The following WARS2 variants were observed in gnomAD, a reference collection of about 807,000 sequenced individuals.
WARS2 encodes tryptophanyl tRNA synthetase 2, mitochondrial, also known as tryptophan--tRNA ligase, mitochondrial.
WARS2 carries 28 observed loss-of-function variants against 36.5 expected under a neutral mutation model. The ratio of observed to expected loss-of-function variants is 0.77; its 90% confidence interval spans 0.57 to 1.05. The LOEUF (loss-of-function observed/expected upper bound fraction) is 1.05. WARS2 is among the 50% of genes least tolerant of loss of function. The probability of loss-of-function intolerance (pLI) is 0.00; values close to 1 mark genes in which losing one functional copy is unlikely to be tolerated. For missense variants in WARS2, 435 were observed against 456.8 expected, an observed-to-expected ratio of 0.95 and a Z score of 0.44; for synonymous variants, 174 against 178.4, an observed-to-expected ratio of 0.98 and a Z score of 0.20.
At position 119,042,008 on chromosome 1, in the gene WARS2, T is replaced by C. The variant is rs561238307; in HGVS notation, c.515+256A>G. Among the ~76,000 whole-genome samples the C allele has an allele frequency of 3.9e-5, 6 of 152,346 alleles. No homozygotes were observed. The South Asian group carries it at 6.2e-4, about 16-fold the overall frequency. ...AGTACTTACAATGGTTTCCAACACA[T>C]TGTAAGTGCTATTTAAATGTCAGCT... On this transcript the variant is annotated intron_variant, in intron 4 of 5. Coordinates refer to ENST00000235521, the MANE Select transcript of WARS2 (RefSeq NM_015836.4).
chr1:119,087,072 AAT>A (rs1228798756), intron 1 of WARS2, among the ~76,000 whole-genome samples: 1 of 152,024 alleles, frequency 6.6e-6, no homozygotes, highest in Non-Finnish European at 1.5e-5. Flanking sequence ...ACACACCACC[AAT>A]GTCTCTTTTT....
intron 1 of WARS2, among the ~76,000 whole-genome samples, chr1:119,129,286 T>C (rs1655917982): frequency 6.6e-6 from 1 of 152,210 alleles, no homozygotes; most frequent in South Asian, 2.1e-4. Flanking sequence ...CACCTTGATC[T>C]TGGACTTCCC....
At chr1:119,051,762 A>ATTTTTTT (rs527937756) in intron 2 of WARS2, among the ~76,000 whole-genome samples, 3 of 114,314 alleles carry the variant, frequency 2.6e-5, no homozygotes, top group Admixed American at 9.5e-5. Context: ...TCTCGCTGTA[A>ATTTTTTT]TTTTTTTTTT....
intron 4 of WARS2, among the ~76,000 whole-genome samples, chr1:119,039,664 G>A (rs912512810): frequency 2.0e-5 from 3 of 151,842 alleles, no homozygotes; most frequent in African/African-American, 7.3e-5. Context: ...TCCATTCCAG[G>A]GTTCCTTACC....
intron 1 of WARS2, among the ~76,000 whole-genome samples, chr1:119,129,028 T>A (rs929484702): frequency 2.6e-5 from 4 of 152,182 alleles, no homozygotes; most frequent in African/African-American, 9.6e-5. Flanking sequence ...ACACTGAAAT[T>A]TCAAAGACAC....
chr1:119,045,696 G>A, intron 2 of WARS2, 34 bp from the exon 3 acceptor site: 3 of 1,530,080 alleles, frequency 2.0e-6, no homozygotes, highest in South Asian at 1.2e-5. Context: ...AGTAAAGGTG[G>A]CCAGTGTTTT....
intron 1 of WARS2, chr1:119,085,692 C>G (rs1273399781): frequency 1.4e-6 from 2 of 1,468,382 alleles, no homozygotes; most frequent in Non-Finnish European, 1.9e-6. Context: ...AATTGTGCTC[C>G]TCTGGTCTTC....
rs1222123137 is a variant in WARS2 at position 119,100,011 on chromosome 1, A to C, written c.91-23404T>G. On this transcript the variant is annotated intron_variant, in intron 1 of 5. Coordinates refer to ENST00000235521, the MANE Select transcript of WARS2 (RefSeq NM_015836.4). ...AAGAAATAATCAACAGAGTGAATAG[A>C]CACCTGTTGAATGGGAGAAGATAGT... Among the ~76,000 whole-genome samples, 10 of 152,236 alleles carry C rather than the reference A, an allele frequency of 6.6e-5. No individual in the cohort carries two copies. In the East Asian group the frequency reaches 1.9e-3, roughly 29 times the overall value.
chr1:119,068,065 TTA>T (rs1437494884), intron 2 of WARS2, among the ~76,000 whole-genome samples: 1 of 152,216 alleles, frequency 6.6e-6, no homozygotes, highest in Admixed American at 6.5e-5. Flanking sequence ...ATTTAGATTC[TTA>T]TCTCCTCCTA....
chr1:119,103,892 T>C (rs914173271), intron 1 of WARS2, among the ~76,000 whole-genome samples: 1 of 151,196 alleles, frequency 6.6e-6, no homozygotes, highest in Non-Finnish European at 1.5e-5. Flanking sequence ...AAAGAAAAAA[T>C]AGATTTCTTT....
chr1:119,097,483 A>G (rs1244946170), intron 1 of WARS2, among the ~76,000 whole-genome samples: 2 of 152,084 alleles, frequency 1.3e-5, no homozygotes, highest in African/African-American at 2.4e-5. Flanking sequence ...TGCACTTGCA[A>G]TTCTCTCTGC....
intron 1 of WARS2, chr1:119,126,463 C>A: frequency 2.4e-6 from 1 of 422,674 alleles, no homozygotes; most frequent in East Asian, 5.1e-5. Flanking sequence ...CATGGTAACA[C>A]TCTGAGGTAG....
chr1:119,092,931 C>G (rs924940095), intron 1 of WARS2, among the ~76,000 whole-genome samples: 2 of 152,208 alleles, frequency 1.3e-5, no homozygotes, highest in Non-Finnish European at 2.9e-5. Flanking sequence ...CCACAATCAT[C>G]TCACCTGTGC....
rs60486007 is a variant in WARS2, at chr1:119,042,231, T to A, written c.515+33A>T. On this transcript the variant is annotated intron_variant, in intron 4 of 5. Transcript: ENST00000235521. The stretch of plus-strand genomic sequence containing the variant: ...TAAAACACTCTCTTGTCACCATGAG[T>A]ATGTATAAGACTGGGCTGAACTCTC... 678 of 1,593,770 alleles carry A rather than the reference T, an allele frequency of 4.3e-4. 4 individuals carry two copies. The African/African-American group carries it at 8.5e-3, about 20-fold the overall frequency.
chr1:119,134,655 T>C (rs1656363979), intron 1 of WARS2, among the ~76,000 whole-genome samples: 2 of 152,192 alleles, frequency 1.3e-5, no homozygotes, highest in Admixed American at 6.5e-5. Flanking sequence ...GAAAACTAAA[T>C]GCCTGAGCAG....
At chr1:119,104,402 CA>C in intron 1 of WARS2, among the ~76,000 whole-genome samples, 1 of 150,890 alleles carries the variant, frequency 6.6e-6, no homozygotes, top group Non-Finnish European at 1.5e-5. Context: ...ATAGAAAAGT[CA>C]AACAGCAACA....
At chr1:119,068,825 A>T (rs868150725) in intron 2 of WARS2, among the ~76,000 whole-genome samples, 1 of 149,404 alleles carries the variant, frequency 6.7e-6, no homozygotes, top group Admixed American at 6.7e-5. Flanking sequence ...TCTCTCTCTT[A>T]CTCTCTCTCT....
chr1:119,051,525 A>G (rs992272915), intron 2 of WARS2, among the ~76,000 whole-genome samples: 2 of 152,122 alleles, frequency 1.3e-5, no homozygotes, highest in Non-Finnish European at 2.9e-5. Context: ...TTTACGGTAG[A>G]ACGATTTACA....
At chr1:119,079,333 A>G (rs1027994240) in intron 1 of WARS2, among the ~76,000 whole-genome samples, 2 of 152,106 alleles carry the variant, frequency 1.3e-5, no homozygotes, top group African/African-American at 4.8e-5. Flanking sequence ...CTTTTTCTTC[A>G]AGAGTACTTT....
Sources: allele counts gnomAD v4.1 joint callset (sites outside exome capture counted in the v4.1 genomes callset), GRCh38; gene constraint gnomAD v4.1.1; transcripts MANE v1.5; gene names NCBI Gene and HGNC (gene_info 2026-07-23, HGNC 2026-07-21).